Variants in SNX7 observed in about 807,000 individuals in gnomAD.
SNX7 encodes the protein sorting nexin-7.
A neutral mutation model predicts 48.4 loss-of-function variants in SNX7; 35 were observed. The observed-to-expected ratio is 0.72, with a 90% CI of 0.55 to 0.96. SNX7 has a LOEUF of 0.96. SNX7 is among the 40% of genes least tolerant of loss of function. SNX7 has a pLI of 0.00. For missense variants in SNX7, 553 were observed against 548.9 expected (o/e 1.01, Z -0.07); for synonymous variants, 190 against 190.2 (o/e 1.00, Z 0.01).
At chr1:98,670,857 T>A (rs77214654) in intron 1 of SNX7, among the ~76,000 whole-genome samples, 1,336 of 133,480 alleles carry the variant, frequency 0.01, 19 homozygotes, top group African/African-American at 0.036. Flanking sequence ...CTCTTTTATG[T>A]AGAGACAGTG....
chr1:98,737,620 A>G (rs547797377), intron 7 of SNX7, among the ~76,000 whole-genome samples: 1 of 152,324 alleles, frequency 6.6e-6, no homozygotes, highest in Admixed American at 6.5e-5. Context: ...TAAGGTGGGG[A>G]AGAGGGTAAA....
chr1:98,683,221 C>T (rs574924000), intron 1 of SNX7, among the ~76,000 whole-genome samples: 71 of 152,130 alleles, frequency 4.7e-4, no homozygotes, highest in Non-Finnish European at 7.1e-4. Context: ...AGCCTTTCCT[C>T]GTGTTTGGAT....
rs781296727 is a variant in SNX7 at position 98,760,065 on chromosome 1, G to A, written c.1290G>A (p.Thr430=). Residue 430 remains threonine, a synonymous_variant, in exon 9 of 9, where the codon ACG becomes ACA. Transcript: ENST00000306121. ...TTTCCATTATTCAGTGCCTTGCTAC[G>A]TGGGAGTCATTCCTTACATCACAGA... is the stretch of plus-strand genomic sequence containing the variant. The part of the protein sequence containing the change: ...NIHYYEQCLA[T]WESFLTSQTN... 105 of 1,600,808 alleles carry A rather than the reference G, an allele frequency of 6.6e-5. No homozygotes were observed. Among genetic ancestry groups the A allele is most frequent in the East Asian group, 8.9e-5 (4 of 44,754 alleles).
At chr1:98,757,124 C>T (rs1490117599) in intron 8 of SNX7, among the ~76,000 whole-genome samples, 1 of 152,078 alleles carries the variant, frequency 6.6e-6, no homozygotes, top group African/African-American at 2.4e-5. Context: ...ATGAGGCCTC[C>T]CCAGAATCTG....
chr1:98,743,706 T>A (rs1056549786), intron 8 of SNX7, among the ~76,000 whole-genome samples: 3 of 152,056 alleles, frequency 2.0e-5, no homozygotes, highest in African/African-American at 7.2e-5. Flanking sequence ...TCAAGTGTAG[T>A]TTTACTTATT....
chr1:98,704,063 C>A (rs1204999344), intron 7 of SNX7, among the ~76,000 whole-genome samples: 28 of 151,370 alleles, frequency 1.8e-4, no homozygotes, highest in African/African-American at 6.5e-4. Flanking sequence ...TGGGATTTCC[C>A]AACTCAGTTA....
intron 7 of SNX7, among the ~76,000 whole-genome samples, chr1:98,728,653 G>C (rs1287951296): frequency 1.3e-5 from 2 of 152,122 alleles, no homozygotes; most frequent in Non-Finnish European, 2.9e-5. Flanking sequence ...TGCAATCCTA[G>C]TTTCTGACAG....
chr1:98,667,563 G>C (rs1364598484), intron 1 of SNX7, among the ~76,000 whole-genome samples: 1 of 150,942 alleles, frequency 6.6e-6, no homozygotes, highest in African/African-American at 2.4e-5. Context: ...TGTATTTTTA[G>C]TAGAGATGGG....
intron 7 of SNX7, among the ~76,000 whole-genome samples, chr1:98,720,983 A>G (rs1282309375): frequency 6.6e-6 from 1 of 152,154 alleles, no homozygotes; most frequent in African/African-American, 2.4e-5. Flanking sequence ...GAGCAAAAAT[A>G]CTATGGTAGT....
intron 7 of SNX7, among the ~76,000 whole-genome samples, chr1:98,722,364 CAT>C (rs917922441): frequency 1.3e-5 from 2 of 152,138 alleles, no homozygotes; most frequent in African/African-American, 4.8e-5. Context: ...TCTTTAGACA[CAT>C]CTCACCTCTC....
chr1:98,733,427 C>T (rs1166314669), intron 7 of SNX7, among the ~76,000 whole-genome samples: 1 of 152,112 alleles, frequency 6.6e-6, no homozygotes, highest in Non-Finnish European at 1.5e-5. Flanking sequence ...AGCGCCTCCA[C>T]TTGTCCTCTG....
At chr1:98,686,407 G>A (rs1485870632) in intron 2 of SNX7, among the ~76,000 whole-genome samples, 1 of 152,110 alleles carries the variant, frequency 6.6e-6, no homozygotes, top group Non-Finnish European at 1.5e-5. Context: ...ACCCCACTTA[G>A]TAAAGTGCCT....
chr1:98,676,788 G>A (rs1409918087), intron 1 of SNX7, among the ~76,000 whole-genome samples: 1 of 152,118 alleles, frequency 6.6e-6, no homozygotes, highest in African/African-American at 2.4e-5. Flanking sequence ...AATGCATTTG[G>A]ATCTGAGATA....
chr1:98,745,777 A>G (rs1274448435), intron 8 of SNX7, among the ~76,000 whole-genome samples: 2 of 152,100 alleles, frequency 1.3e-5, no homozygotes, highest in African/African-American at 2.4e-5. Context: ...TAAGAAATTC[A>G]GGTTACATCA....
At chr1:98,687,202 G>A (rs1650852147) in intron 2 of SNX7, among the ~76,000 whole-genome samples, 2 of 152,100 alleles carry the variant, frequency 1.3e-5, no homozygotes, top group Admixed American at 1.3e-4. Context: ...CGAGGACACC[G>A]AAACTTAGTA....
chr1:98,681,366 G>A (rs2100932952), intron 1 of SNX7, among the ~76,000 whole-genome samples: 1 of 152,298 alleles, frequency 6.6e-6, no homozygotes, highest in Admixed American at 6.5e-5. Flanking sequence ...GTCAAGGCAG[G>A]AGGATTGTTT....
At chr1:98,745,604 C>T (rs1036668866) in intron 8 of SNX7, among the ~76,000 whole-genome samples, 8 of 152,072 alleles carry the variant, frequency 5.3e-5, no homozygotes, top group Non-Finnish European at 1.2e-4. Flanking sequence ...GGCTATATTT[C>T]TGGCAAAGCA....
intron 7 of SNX7, among the ~76,000 whole-genome samples, chr1:98,713,288 C>T (rs999366856): frequency 6.6e-6 from 1 of 152,142 alleles, no homozygotes; most frequent in African/African-American, 2.4e-5. Flanking sequence ...CCTCTGCTAG[C>T]TTCAAACATT....
Position 98,752,206 on chromosome 1 carries a change from A to G in SNX7, c.1279-7848A>G, listed in dbSNP as rs186729035. Among the ~76,000 whole-genome samples, 198 of 152,180 alleles carry G rather than the reference A, an allele frequency of 1.3e-3. 2 individuals are homozygous for G. Among genetic ancestry groups the G allele is most frequent in the African/African-American group, 4.6e-3 (192 of 41,554 alleles). On this transcript the variant is annotated intron_variant, in intron 8 of 8. Coordinates refer to ENST00000306121, the MANE Select transcript of SNX7 (RefSeq NM_015976.5). Reference sequence around the variant, plus strand: ...GGACAGTAAATACTCACTGTAATAAATTACCTAACTATATGGTATAAACAA... The same window carrying G: ...GGACAGTAAATACTCACTGTAATAAGTTACCTAACTATATGGTATAAACAA...
Sources: gnomAD v4.1 joint callset for allele counts (sites outside exome capture counted in the v4.1 genomes callset) on GRCh38, gnomAD v4.1.1 for gene constraint, MANE v1.5 for transcripts, NCBI Gene and HGNC (gene_info 2026-07-23, HGNC 2026-07-21) for gene names.